PPFIA2: variants seen among roughly 807,000 people sequenced by gnomAD.
PPFIA2 encodes the protein PPFI scaffold protein A2.
In PPFIA2, 46 loss-of-function variants were observed where a neutral mutation model predicts 175.5. That is an observed-to-expected ratio of 0.26 (90% CI 0.21 to 0.34). PPFIA2 has a LOEUF of 0.34. Ranked by LOEUF, PPFIA2 falls within the 10% of genes least tolerant of loss-of-function variation. The probability of loss-of-function intolerance (pLI) is 1.00; values close to 1 mark genes in which losing one functional copy is unlikely to be tolerated. For synonymous variants in PPFIA2, 568 were observed against 511.4 expected, an observed-to-expected ratio of 1.11 and a Z score of -1.49; for missense variants, 1,179 against 1,506.1, an observed-to-expected ratio of 0.78 and a Z score of 3.60.
intron 4 of PPFIA2, among the ~76,000 whole-genome samples, chr12:81,467,254 C>A (rs1237062729): frequency 2.6e-5 from 4 of 152,132 alleles, no homozygotes; most frequent in African/African-American, 9.7e-5. Context: ...TGTGTTCCTG[C>A]AGTAATTCTT....
At chr12:81,260,970 A>G (rs780945669) in intron 32 of PPFIA2, 97 of 151,856 alleles carry the variant, frequency 6.4e-4, no homozygotes, top group Admixed American at 1.8e-3. Flanking sequence ...CTGTTTTTCA[A>G]TAAAACCTCA....
At chr12:81,730,910 A>C (rs1358471598) in intron 3 of PPFIA2, among the ~76,000 whole-genome samples, 1 of 151,506 alleles carries the variant, frequency 6.6e-6, no homozygotes, top group Non-Finnish European at 1.5e-5. Context: ...ACAAAAAAAA[A>C]ACCTAGAAAT....
chr12:81,408,953 A>T (rs1189383100), intron 7 of PPFIA2, among the ~76,000 whole-genome samples: 1 of 152,148 alleles, frequency 6.6e-6, no homozygotes, highest in Non-Finnish European at 1.5e-5. Flanking sequence ...TATTTTTGAC[A>T]CTGGGGAAAG....
At chr12:81,504,204 C>T (rs2060891549) in intron 4 of PPFIA2, among the ~76,000 whole-genome samples, 1 of 151,940 alleles carries the variant, frequency 6.6e-6, no homozygotes, top group Admixed American at 6.6e-5. Context: ...ATGGAAAGAA[C>T]AGGCAATCTA....
intron 26 of PPFIA2, among the ~76,000 whole-genome samples, chr12:81,281,804 T>C (rs759106160): frequency 6.6e-6 from 1 of 152,114 alleles, no homozygotes; most frequent in Non-Finnish European, 1.5e-5. Context: ...ATTTCCCTCT[T>C]GTCAATGCAC....
intron 4 of PPFIA2, among the ~76,000 whole-genome samples, chr12:81,553,263 C>A (rs561344677): frequency 1.4e-4 from 22 of 151,954 alleles, no homozygotes; most frequent in South Asian, 8.3e-4. Flanking sequence ...GGAAAAAAAA[C>A]CAAGAAGCAT....
intron 11 of PPFIA2, among the ~76,000 whole-genome samples, chr12:81,373,140 A>G (rs2035580134): frequency 6.6e-6 from 1 of 151,734 alleles, no homozygotes; most frequent in South Asian, 2.1e-4. Context: ...GATTTTCTGA[A>G]TTGTAAATTG....
At chr12:81,645,226 G>C (rs2065899972) in intron 4 of PPFIA2, among the ~76,000 whole-genome samples, 1 of 151,866 alleles carries the variant, frequency 6.6e-6, no homozygotes, top group African/African-American at 2.4e-5. Flanking sequence ...GAAAGAGAAA[G>C]AAGGAACTTT....
At chr12:81,507,500 T>C (rs2061306748) in intron 4 of PPFIA2, among the ~76,000 whole-genome samples, 1 of 152,208 alleles carries the variant, frequency 6.6e-6, no homozygotes, top group African/African-American at 2.4e-5. Flanking sequence ...CAATACTCCA[T>C]CCAAGCTCTG....
At chr12:81,308,438 C>T (rs1191791724) in intron 22 of PPFIA2, among the ~76,000 whole-genome samples, 1 of 152,162 alleles carries the variant, frequency 6.6e-6, no homozygotes, top group Non-Finnish European at 1.5e-5. Flanking sequence ...ATGGAACCGT[C>T]GAGGTGCAGA....
At chr12:81,309,119 T>C (rs779382967) in intron 22 of PPFIA2, among the ~76,000 whole-genome samples, 1 of 152,174 alleles carries the variant, frequency 6.6e-6, no homozygotes, top group Admixed American at 6.5e-5. Context: ...CTTCACACTA[T>C]TATTAATTGT....
intron 28 of PPFIA2, among the ~76,000 whole-genome samples, chr12:81,275,039 G>C (rs1333101745): frequency 6.6e-6 from 1 of 152,108 alleles, no homozygotes. Context: ...AAATCTAATT[G>C]GATAAAAATA....
At chr12:81,390,099 C>T (rs1170669102) in intron 8 of PPFIA2, among the ~76,000 whole-genome samples, 1 of 152,026 alleles carries the variant, frequency 6.6e-6, no homozygotes, top group Non-Finnish European at 1.5e-5. Flanking sequence ...CGTTCAAGTA[C>T]CGTAGCATGT....
At chr12:81,290,101 G>A (rs530121630) in intron 24 of PPFIA2, among the ~76,000 whole-genome samples, 9 of 151,598 alleles carry the variant, frequency 5.9e-5, no homozygotes, top group African/African-American at 1.5e-4. Flanking sequence ...AAAAAGCCCC[G>A]AAGCCCAAGT....
At chr12:81,438,998 A>T (rs1369526596) in intron 7 of PPFIA2, among the ~76,000 whole-genome samples, 1 of 151,996 alleles carries the variant, frequency 6.6e-6, no homozygotes, top group African/African-American at 2.4e-5. Context: ...ATTTAAGAGT[A>T]AGAAGATTTT....
intron 4 of PPFIA2, among the ~76,000 whole-genome samples, chr12:81,606,634 C>A (rs530073871): frequency 6.6e-6 from 1 of 152,038 alleles, no homozygotes; most frequent in Non-Finnish European, 1.5e-5. Flanking sequence ...AGTATCTGTT[C>A]ATTTCCTTTG....
At chr12:81,326,949 T>C (rs972325097) in intron 21 of PPFIA2, among the ~76,000 whole-genome samples, 4 of 152,116 alleles carry the variant, frequency 2.6e-5, no homozygotes, top group Non-Finnish European at 5.9e-5. Flanking sequence ...TCTTCTCTCA[T>C]TGTAGTGGAC....
chr12:81,289,627 G>A (rs1196433083), intron 24 of PPFIA2, among the ~76,000 whole-genome samples: 1 of 151,728 alleles, frequency 6.6e-6, no homozygotes, highest in Non-Finnish European at 1.5e-5. Context: ...GGCTTTTTGA[G>A]TTATCTTGAA....
intron 24 of PPFIA2, among the ~76,000 whole-genome samples, chr12:81,289,172 A>C (rs2044253049): frequency 6.6e-6 from 1 of 151,846 alleles, no homozygotes; most frequent in Admixed American, 6.6e-5. Context: ...CGCTTAGAAC[A>C]GTCCCTGACA....
Sources: gnomAD v4.1 joint callset for allele counts (sites outside exome capture counted in the v4.1 genomes callset) on GRCh38, gnomAD v4.1.1 for gene constraint, MANE v1.5 for transcripts, NCBI Gene and HGNC (gene_info 2026-07-23, HGNC 2026-07-21) for gene names.